Variants in HTR1F observed in about 807,000 individuals in gnomAD.
HTR1F encodes 5-hydroxytryptamine (serotonin) receptor 1F, G protein-coupled.
Under a neutral mutation model 24.0 loss-of-function variants are expected in HTR1F, and 17 were observed. That is an observed-to-expected ratio of 0.71 (90% CI 0.48 to 1.06). The LOEUF is 1.06. Ranked by LOEUF, HTR1F falls within the 50% of genes least tolerant of loss-of-function variation. HTR1F has a pLI of 0.00. For synonymous variants in HTR1F, 186 were observed against 156.8 expected, an observed-to-expected ratio of 1.19 and a Z score of -1.39; for missense variants, 391 against 427.8, an observed-to-expected ratio of 0.91 and a Z score of 0.76.
chr3:87,883,397 A>C (rs1451882150), intron 2 of HTR1F, among the ~76,000 whole-genome samples: 1 of 152,136 alleles, frequency 6.6e-6, no homozygotes, highest in Admixed American at 6.5e-5. Flanking sequence ...AAATTCTAAA[A>C]ACCAGGGCAC....
chr3:87,903,623 C>A (rs1706384975), intron 2 of HTR1F, among the ~76,000 whole-genome samples: 2 of 151,310 alleles, frequency 1.3e-5, no homozygotes, highest in South Asian at 4.2e-4. Flanking sequence ...AGTCAGGAAA[C>A]AACAGGTGCT....
At chr3:87,859,297 AC>A (rs1410203774) in intron 2 of HTR1F, among the ~76,000 whole-genome samples, 3 of 152,212 alleles carry the variant, frequency 2.0e-5, no homozygotes, top group Non-Finnish European at 2.9e-5. Context: ...AGTAACAGTC[AC>A]TCAGTCTAAA....
chr3:87,988,734 AATTT>A (rs1705736303), intron 2 of HTR1F, among the ~76,000 whole-genome samples: 1 of 143,160 alleles, frequency 7.0e-6, no homozygotes, highest in African/African-American at 2.6e-5. Flanking sequence ...AAGCCCCAAT[AATTT>A]TTTTTTTTTT....
At position 87,801,494 on chromosome 3, in the gene HTR1F, T is replaced by C. The variant is rs564539765; in HGVS notation, c.-160+8652T>C. On this transcript the variant is annotated intron_variant, in intron 1 of 2. Coordinates refer to ENST00000319595, the MANE Select transcript of HTR1F (RefSeq NM_001322209.2). ...GTGGTCGGGGCACAGCTAGGTTTTA[T>C]ACATTTTAGGGAGACATGAGACGTC... is the stretch of plus-strand genomic sequence containing the variant. Among the ~76,000 whole-genome samples, 20 of 152,312 alleles carry C rather than the reference T, an allele frequency of 1.3e-4. No individual in the cohort carries two copies. In the South Asian group the frequency reaches 3.3e-3, roughly 25 times the overall value.
rs1705886493 is a variant in HTR1F, at chr3:87,993,697, TA to T, written c.*1851del. The T allele has an allele frequency of 6.0e-6, 1 of 166,930 alleles. No homozygotes were observed. The highest frequency in any genetic ancestry group is 6.6e-5 in the Admixed American group (1 of 15,252). 10.3% of individuals were successfully genotyped at this position (166,930 alleles called of 1,614,324 possible). ...TTAGAGCAATAGAGGAAAAGGATAT[TA>T]AAAGAAAAATTGGGCATTTTTGTGG... is the stretch of plus-strand genomic sequence containing the variant. On this transcript the variant is annotated 3_prime_UTR_variant, in exon 3 of 3. Transcript: ENST00000319595.
At chr3:87,920,813 C>T (rs1703997833) in intron 2 of HTR1F, among the ~76,000 whole-genome samples, 1 of 151,938 alleles carries the variant, frequency 6.6e-6, no homozygotes. Context: ...ATCTGTACAA[C>T]AAACCCACAT....
At chr3:87,849,933 A>G (rs1251776317) in intron 2 of HTR1F, among the ~76,000 whole-genome samples, 1 of 151,372 alleles carries the variant, frequency 6.6e-6, no homozygotes. Flanking sequence ...AGTTAGAATG[A>G]TGATCATTAA....
At chr3:87,932,390 T>G (rs1204171305) in intron 2 of HTR1F, among the ~76,000 whole-genome samples, 1 of 152,172 alleles carries the variant, frequency 6.6e-6, no homozygotes, top group Non-Finnish European at 1.5e-5. Context: ...ATCCATTCTG[T>G]TCCATTGATC....
At chr3:87,820,231 C>T (rs1334105032) in intron 1 of HTR1F, among the ~76,000 whole-genome samples, 2 of 142,034 alleles carry the variant, frequency 1.4e-5, no homozygotes, top group Non-Finnish European at 1.5e-5. Context: ...GGCTGGAGTG[C>T]AGTGGCAGGA....
At chr3:87,903,673 G>A (rs1162984369) in intron 2 of HTR1F, among the ~76,000 whole-genome samples, 4 of 151,898 alleles carry the variant, frequency 2.6e-5, no homozygotes, top group Non-Finnish European at 5.9e-5. Context: ...TTACACTGTT[G>A]GTGGGACTGT....
Position 87,820,548 on chromosome 3 carries a change from C to T in HTR1F, c.-159-1460C>T, listed in dbSNP as rs1374957479. Reference sequence around the variant, plus strand: ...CAAGAAATATGAAACAGGATAGTTACATACCATCAAAGATGTAGTCATTTG... The same window carrying T: ...CAAGAAATATGAAACAGGATAGTTATATACCATCAAAGATGTAGTCATTTG... On this transcript the variant is annotated intron_variant, in intron 1 of 2. Coordinates refer to ENST00000319595, the MANE Select transcript of HTR1F (RefSeq NM_001322209.2). 2.0e-5 allele frequency among the ~76,000 whole-genome samples: 3 copies of T among 152,182 alleles called. No individual in the cohort carries two copies. In the East Asian group the frequency reaches 5.8e-4, roughly 29 times the overall value.
chr3:87,924,382 A>G (rs1182526794), intron 2 of HTR1F, among the ~76,000 whole-genome samples: 1 of 151,626 alleles, frequency 6.6e-6, no homozygotes, highest in Non-Finnish European at 1.5e-5. Flanking sequence ...TTTTTTTCTT[A>G]TTGCTTATCT....
intron 2 of HTR1F, among the ~76,000 whole-genome samples, chr3:87,982,419 C>T (rs1361863577): frequency 6.6e-6 from 1 of 152,086 alleles, no homozygotes; most frequent in Admixed American, 6.5e-5. Context: ...ATTTGGGGCA[C>T]GTAGTGACTG....
chr3:87,949,116 T>C (rs1704778077), intron 2 of HTR1F, among the ~76,000 whole-genome samples: 1 of 152,182 alleles, frequency 6.6e-6, no homozygotes, highest in African/African-American at 2.4e-5. Flanking sequence ...AAAGTGTGTA[T>C]GTAAATTTGT....
chr3:87,802,144 C>T (rs1439586903), intron 1 of HTR1F, among the ~76,000 whole-genome samples: 2 of 98,466 alleles, frequency 2.0e-5, no homozygotes, highest in African/African-American at 7.6e-5. Context: ...CTTCTTCCCT[C>T]CCTCCCTCTC....
chr3:87,799,667 A>C (rs2107062846), intron 1 of HTR1F, among the ~76,000 whole-genome samples: 1 of 152,258 alleles, frequency 6.6e-6, no homozygotes, highest in South Asian at 2.1e-4. Flanking sequence ...GGAGAATAAA[A>C]CCCTCACTAT....
chr3:87,969,087 A>G (rs1348719646), intron 2 of HTR1F, among the ~76,000 whole-genome samples: 1 of 152,254 alleles, frequency 6.6e-6, no homozygotes, highest in African/African-American at 2.4e-5. Context: ...GGATGTATGG[A>G]AACACCTGGA....
chr3:87,858,951 C>T (rs12490277), intron 2 of HTR1F, among the ~76,000 whole-genome samples: 67,749 of 151,990 alleles, frequency 0.45, 18,711 homozygotes, highest in African/African-American at 0.79. Context: ...ATCCCAGCAC[C>T]TTGGGAGGCC....
At chr3:87,926,919 TGTTA>T (rs1015145311) in intron 2 of HTR1F, among the ~76,000 whole-genome samples, 49 of 150,390 alleles carry the variant, frequency 3.3e-4, no homozygotes, top group African/African-American at 9.4e-4. Flanking sequence ...TACTGAGAAA[TGTTA>T]GTTAGTTAAA....
Sources: gnomAD v4.1 joint callset for allele counts (sites outside exome capture counted in the v4.1 genomes callset) on GRCh38, gnomAD v4.1.1 for gene constraint, MANE v1.5 for transcripts, NCBI Gene and HGNC (gene_info 2026-07-23, HGNC 2026-07-21) for gene names.